Variants in RALGPS2 observed in about 807,000 individuals in gnomAD.
RALGPS2 encodes ras-specific guanine nucleotide-releasing factor RalGPS2.
Under a neutral mutation model 86.8 loss-of-function variants are expected in RALGPS2, and 43 were observed. The observed-to-expected ratio is 0.50, with a 90% CI of 0.39 to 0.64. The LOEUF is 0.64. Among genes scored for constraint, RALGPS2 ranks in the 30% least tolerant of loss-of-function variants. The probability of loss-of-function intolerance (pLI) is 0.00; values close to 1 mark genes in which losing one functional copy is unlikely to be tolerated. For synonymous variants in RALGPS2, 243 were observed against 231.3 expected (o/e 1.05, Z -0.46); for missense variants, 536 against 694.6 (o/e 0.77, Z 2.57).
chr1:178,905,378 G>T (rs1051124341), intron 18 of RALGPS2, among the ~76,000 whole-genome samples: 5 of 152,062 alleles, frequency 3.3e-5, no homozygotes, highest in African/African-American at 9.7e-5. Context: ...TATACTAATG[G>T]TTTTTTGCGG....
At chr1:178,750,793 A>T (rs1404936001) in intron 1 of RALGPS2, among the ~76,000 whole-genome samples, 1 of 152,200 alleles carries the variant, frequency 6.6e-6, no homozygotes, top group Non-Finnish European at 1.5e-5. Context: ...TTTCTAAAAT[A>T]AAAGTATTGT....
chr1:178,757,697 C>T (rs776144226), intron 1 of RALGPS2, among the ~76,000 whole-genome samples: 4 of 151,958 alleles, frequency 2.6e-5, no homozygotes, highest in Non-Finnish European at 4.4e-5. Context: ...GCTTGCTAGT[C>T]GTGTGTTGAA....
At chr1:178,912,748 G>A (rs1660672735) in intron 19 of RALGPS2, among the ~76,000 whole-genome samples, 1 of 152,094 alleles carries the variant, frequency 6.6e-6, no homozygotes, top group South Asian at 2.1e-4. Context: ...GATAATTTTT[G>A]TGGATCGTAT....
At chr1:178,751,084 G>T (rs1165088976) in intron 1 of RALGPS2, among the ~76,000 whole-genome samples, 1 of 151,910 alleles carries the variant, frequency 6.6e-6, no homozygotes, top group Non-Finnish European at 1.5e-5. Context: ...TCTTGAGCTG[G>T]CTAGAGTCTT....
chr1:178,756,898 A>AT (rs1051803506), intron 1 of RALGPS2, among the ~76,000 whole-genome samples: 2 of 151,958 alleles, frequency 1.3e-5, no homozygotes, highest in Non-Finnish European at 2.9e-5. Context: ...CTCCTCCTTA[A>AT]TTTTTTTGAT....
intron 7 of RALGPS2, among the ~76,000 whole-genome samples, chr1:178,826,449 A>C (rs1294472773): frequency 6.6e-6 from 1 of 152,200 alleles, no homozygotes; most frequent in East Asian, 1.9e-4. Flanking sequence ...ACCAGATACA[A>C]AAGAACAAAT....
At chr1:178,812,353 A>C (rs1331693415) in intron 6 of RALGPS2, among the ~76,000 whole-genome samples, 1 of 152,212 alleles carries the variant, frequency 6.6e-6, no homozygotes, top group Non-Finnish European at 1.5e-5. Context: ...AAAGACAGAT[A>C]TCTCAAGGAA....
At chr1:178,835,456 A>C (rs576116164) in intron 8 of RALGPS2, among the ~76,000 whole-genome samples, 1 of 147,414 alleles carries the variant, frequency 6.8e-6, no homozygotes, top group Non-Finnish European at 1.5e-5. Context: ...GCAGTGGCAC[A>C]GTCTCAGCTC....
chr1:178,853,069 G>A, intron 8 of RALGPS2: 2 of 1,457,240 alleles, frequency 1.4e-6, no homozygotes, highest in South Asian at 1.6e-5. Context: ...AAGTGGTAAT[G>A]TGAGCTTCCA....
chr1:178,892,121 T>C, intron 14 of RALGPS2, 109 bp from the exon 15 acceptor site: 1 of 1,013,316 alleles, frequency 9.9e-7, no homozygotes, highest in Middle Eastern at 2.9e-4. Context: ...TTTGTAAGAT[T>C]TAGAAAGCTA....
At chr1:178,748,799 C>T (rs971993038) in intron 1 of RALGPS2, among the ~76,000 whole-genome samples, 1 of 143,314 alleles carries the variant, frequency 7.0e-6, no homozygotes, top group African/African-American at 2.7e-5. Context: ...TGCAGTGAGC[C>T]GAGATTGCGC....
At chr1:178,906,464 G>A (rs370663879) in intron 18 of RALGPS2, among the ~76,000 whole-genome samples, 11 of 152,222 alleles carry the variant, frequency 7.2e-5, no homozygotes, top group African/African-American at 2.2e-4. Context: ...ATCTAGAGAT[G>A]CCACACAGTT....
Position 178,904,208 on chromosome 1 carries a change from TC to T in RALGPS2, c.1630+1998del, listed in dbSNP as rs1380942387. ...CACTTTTCGATGGGATTGGTTTTTT[TC>T]TTACTGATTCGTTTTGAGTTCATTG... On this transcript the variant is annotated intron_variant, in intron 18 of 19. Coordinates refer to ENST00000367635, the MANE Select transcript of RALGPS2 (RefSeq NM_152663.5). Among the ~76,000 whole-genome samples, 10 of 152,310 alleles carry T rather than the reference TC, an allele frequency of 6.6e-5. No homozygotes were observed. In the South Asian group the frequency reaches 1.9e-3, roughly 28 times the overall value.
rs184613041 is a variant in RALGPS2 at position 178,760,704 on chromosome 1, C to T, written c.-83-15978C>T. Among the ~76,000 whole-genome samples, 29 of 152,142 alleles carry T rather than the reference C, an allele frequency of 1.9e-4. 1 individual carries two copies. In the East Asian group the frequency reaches 4.6e-3, roughly 24 times the overall value. ...TTTATACATGATCTGACCTTTTTCT[C>T]TATTTGTCTTTAAGATTATTTCCTT... On this transcript the variant is annotated intron_variant, in intron 1 of 19. Transcript: ENST00000367635.
intron 8 of RALGPS2, among the ~76,000 whole-genome samples, chr1:178,839,920 G>A (rs1208694271): frequency 6.6e-6 from 1 of 152,190 alleles, no homozygotes; most frequent in Non-Finnish European, 1.5e-5. Context: ...TTACATAATG[G>A]TAAAGGGATC....
At chr1:178,900,808 A>G (rs1319439787) in intron 17 of RALGPS2, among the ~76,000 whole-genome samples, 1 of 152,022 alleles carries the variant, frequency 6.6e-6, no homozygotes, top group Admixed American at 6.6e-5. Flanking sequence ...TGATGATTAT[A>G]TCTGGGGAAT....
At chr1:178,853,606 C>A in intron 8 of RALGPS2, 1 of 1,593,636 alleles carries the variant, frequency 6.3e-7, no homozygotes, top group Non-Finnish European at 8.5e-7. Flanking sequence ...TATAATTTTC[C>A]CAATTTCTGA....
chr1:178,773,024 A>G (rs1016956728), intron 1 of RALGPS2, among the ~76,000 whole-genome samples: 4 of 151,946 alleles, frequency 2.6e-5, no homozygotes, highest in Non-Finnish European at 5.9e-5. Flanking sequence ...CTGGTCTCGA[A>G]CTCCTGACCT....
At chr1:178,862,566 A>G (rs1220594855) in intron 8 of RALGPS2, among the ~76,000 whole-genome samples, 3 of 152,062 alleles carry the variant, frequency 2.0e-5, no homozygotes, top group African/African-American at 7.2e-5. Flanking sequence ...AGGCGTCAAC[A>G]AGGGCCTCAA....
Sources: gnomAD v4.1 joint callset for allele counts (sites outside exome capture counted in the v4.1 genomes callset) on GRCh38, gnomAD v4.1.1 for gene constraint, MANE v1.5 for transcripts, NCBI Gene and HGNC (gene_info 2026-07-23, HGNC 2026-07-21) for gene names.